Variants in SIGIRR observed in about 807,000 individuals in gnomAD.
The protein encoded by SIGIRR is single Ig and TIR domain containing.
Under a neutral mutation model 45.6 loss-of-function variants are expected in SIGIRR, and 41 were observed. The ratio of observed to expected loss-of-function variants is 0.90; its 90% CI spans 0.70 to 1.17. The LOEUF is 1.17. Ranked by LOEUF, SIGIRR falls within the 50% of genes most tolerant of loss-of-function variation. The pLI is 0.00. For synonymous variants in SIGIRR, 298 were observed against 239.0 expected (o/e 1.25, Z -2.28); for missense variants, 599 against 539.6 (o/e 1.11, Z -1.09).
At position 407,102 on chromosome 11, in the gene SIGIRR, CCGAA is replaced by C; in HGVS notation, c.684_687del (p.Ser229ThrfsTer4). The C allele has an allele frequency of 1.3e-6, 2 of 1,536,252 alleles. No individual in the cohort carries two copies. Among genetic ancestry groups the C allele is most frequent in the East Asian group, 2.6e-5 (1 of 39,022 alleles). ...CACCAGGCCCGGCTCAGGAAGGCGTCCGAAAGCACCACGATGAGGCGTCGGCAGC... is the reference window on the plus strand; with the variant it reads ...CACCAGGCCCGGCTCAGGAAGGCGTCAGCACCACGATGAGGCGTCGGCAGC... On this transcript the variant is annotated frameshift_variant, in exon 7 of 10. Coordinates refer to ENST00000431843, the MANE Select transcript of SIGIRR (RefSeq NM_001135054.2). LOFTEE classifies it high-confidence loss of function.
intron 2 of SIGIRR, 95 bp from the exon 3 acceptor site, chr11:408,988 G>C (rs1452818358): frequency 1.7e-6 from 2 of 1,153,856 alleles, no homozygotes; most frequent in South Asian, 2.5e-5. Flanking sequence ...TAAGGCCTCT[G>C]TGTGGCTTGG....
chr11:408,803 G>C lies in SIGIRR; in HGVS notation c.98C>G (p.Thr33Arg), dbSNP rs754441975. 3.1e-6 allele frequency: 5 copies of C among 1,612,770 alleles called. No homozygotes were observed. In the South Asian group the frequency reaches 4.4e-5, roughly 14 times the overall value. ...ALGSSVALNCTAWVVSGPHCS... is the reference protein window; with the variant it reads ...ALGSSVALNCRAWVVSGPHCS... ...GTGGGGCCCAGAGACTACCCAAGCC[G>C]TGCAGTTCAGAGCCACTGAGCTGCC... Residue 33 changes from threonine (T) to arginine (R), a missense_variant, in exon 3 of 10, where the codon ACG becomes AGG. Coordinates refer to ENST00000431843, the MANE Select transcript of SIGIRR (RefSeq NM_001135054.2).
chr11:407,255 A>C (rs1188521510), intron 6 of SIGIRR, 91 bp from the exon 7 acceptor site: 11 of 565,820 alleles, frequency 1.9e-5, no homozygotes, highest in Non-Finnish European at 2.9e-5. Flanking sequence ...CAGAGCTCTA[A>C]GGGAGGGGCG....
Position 407,454 on chromosome 11 carries a change from A to T in SIGIRR, c.596T>A (p.Leu199Gln). The T allele has an allele frequency of 5.8e-6, 9 of 1,560,026 alleles. No individual in the cohort carries two copies. Among genetic ancestry groups the T allele is most frequent in the Non-Finnish European group, 7.8e-6 (9 of 1,152,852 alleles). ...GCGCGGCAGGAGGTCGCGGTCGTCC[A>T]GGAAGAGCTTGTAGCCCCGACGCCG... Reference protein sequence around the residue: ...LERRRGYKLFLDDRDLLPRAE... With the variant: ...LERRRGYKLFQDDRDLLPRAE... Residue 199 changes from leucine (L) to glutamine (Q), a missense_variant, in exon 6 of 10, where the codon CTG (leucine) becomes CAG (glutamine). Physicochemically the swap from Leu to Gln is moderately radical, Grantham distance 113. Transcript: ENST00000431843.
chr11:414,031 CA>C (rs1260554574), intron 1 of SIGIRR, among the ~76,000 whole-genome samples: 14 of 102,328 alleles, frequency 1.4e-4, no homozygotes, highest in East Asian at 6.2e-4. Flanking sequence ...CTCCCCTGCA[CA>C]CCTTCCCCTG....
rs770395881 is a variant in SIGIRR at position 406,978 on chromosome 11, C to G, written c.744G>C (p.Arg248=). The change falls in exon 8 of 10, where the codon CGG becomes CGC. Residue 248 remains arginine (R), a synonymous_variant. Coordinates refer to ENST00000431843, the MANE Select transcript of SIGIRR (RefSeq NM_001135054.2). ...CSHSFREGLC[R]LLELTRRPIF... is the part of the protein sequence containing the mutation. ...TGGGTCTGCGGGTGAGCTCCAGCAGCCGGCACAGGCCCTCCCTGCGGGGCG... is the reference window on the plus strand; with the variant it reads ...TGGGTCTGCGGGTGAGCTCCAGCAGGCGGCACAGGCCCTCCCTGCGGGGCG... The G allele has an allele frequency of 1.9e-6, 3 of 1,600,254 alleles. No homozygotes were observed. The Admixed American group carries it at 5.0e-5, about 27-fold the overall frequency.
At chr11:408,561 G>A (rs113524008) in intron 3 of SIGIRR, 134 bp downstream of exon 3, 59,040 of 1,062,618 alleles carry the variant, frequency 0.056, 2,042 homozygotes, top group Non-Finnish European at 0.072. Context: ...CTGACCCTCC[G>A]TCTGGGTCCA....
At position 406,830 on chromosome 11, in the gene SIGIRR, G is replaced by A; in HGVS notation, c.879+13C>T. 1.3e-6 allele frequency: 2 copies of A among 1,530,332 alleles called. No homozygotes were observed. The highest frequency in any genetic ancestry group is 1.7e-6 in the Non-Finnish European group (2 of 1,143,540). The allele number at this position is 1,530,332 out of a possible 1,614,324, so 94.8% of individuals were successfully genotyped here. On this transcript the variant is annotated intron_variant, in intron 8 of 9. Coordinates refer to ENST00000431843, the MANE Select transcript of SIGIRR (RefSeq NM_001135054.2). ...CGCCGCTAGCCCCGGACCCTCCCGC[G>A]CCTGCTCCGCACCACGGAGCCGGGC... is the stretch of plus-strand genomic sequence containing the variant.
intron 6 of SIGIRR, 107 bp from the exon 7 acceptor site, chr11:407,271 TG>T: frequency 3.2e-6 from 2 of 630,236 alleles, no homozygotes; most frequent in African/African-American, 2.8e-5. Context: ...GGGCGGGGCC[TG>T]CGGGGTGGGC....
chr11:413,012 C>T (rs7951895), intron 1 of SIGIRR, among the ~76,000 whole-genome samples: 3,779 of 152,254 alleles, frequency 0.025, 151 homozygotes, highest in African/African-American at 0.087. Flanking sequence ...GCCCAGGGCC[C>T]CAGGGGCCTC....
At chr11:412,793 C>CGAAACACCTCGG (rs937473002) in intron 1 of SIGIRR, among the ~76,000 whole-genome samples, 1 of 152,034 alleles carries the variant, frequency 6.6e-6, no homozygotes, top group African/African-American at 2.4e-5. Context: ...ACAGACACCT[C>CGAAACACCTCGG]GAAACACCTC....
At position 406,997 on chromosome 11, in the gene SIGIRR, C is replaced by T. The variant is rs763350385; in HGVS notation, c.729-4G>A. The T allele has an allele frequency of 1.3e-6, 2 of 1,595,072 alleles. No homozygotes were observed. The highest frequency in any genetic ancestry group is 1.7e-5 in the Admixed American group (1 of 59,024). ...CAGCAGCCGGCACAGGCCCTCCCTG[C>T]GGGGCGGGACCGTCAGGGGGGTGGG... is the stretch of plus-strand genomic sequence containing the variant. On this transcript the variant is annotated splice_region_variant and splice_polypyrimidine_tract_variant and intron_variant, in intron 7 of 9. Transcript: ENST00000431843.
At chr11:409,026 C>G in intron 2 of SIGIRR, 133 bp from the exon 3 acceptor site, 1 of 793,462 alleles carries the variant, frequency 1.3e-6, no homozygotes, top group Non-Finnish European at 2.1e-6. Context: ...TCCACGAGTC[C>G]CATGGGGACA....
At chr11:411,600 G>A (rs1847628287) in intron 1 of SIGIRR, among the ~76,000 whole-genome samples, 1 of 124,596 alleles carries the variant, frequency 8.0e-6, no homozygotes. Flanking sequence ...ACAGTCGGCG[G>A]GGGGTGCCCA....
Position 407,117 on chromosome 11 carries a change from T to TC in SIGIRR, c.672_673insG (p.Ile225AspfsTer116). ...AGGAAGGCGTCCGAAAGCACCACGA[T>TC]GAGGCGTCGGCAGCGGCTCAGGTTC... On this transcript the variant is annotated frameshift_variant, in exon 7 of 10. Transcript: ENST00000431843. LOFTEE classifies it high-confidence loss of function. The TC allele has an allele frequency of 2.6e-6, 4 of 1,534,260 alleles. No individual in the cohort carries two copies. The highest frequency in any genetic ancestry group is 3.8e-5 in the Admixed American group (2 of 52,188).
At chr11:406,201 C>T (rs759051379) in intron 9 of SIGIRR, 142 bp from the exon 10 acceptor site, 2 of 1,538,330 alleles carry the variant, frequency 1.3e-6, no homozygotes, top group Non-Finnish European at 8.7e-7. Context: ...GGGCCGAGCA[C>T]CTCCAGGGCA....
upstream of SIGIRR, among the ~76,000 whole-genome samples, chr11:416,242 G>A (rs1038781894): frequency 2.0e-5 from 3 of 152,106 alleles, no homozygotes; most frequent in Non-Finnish European, 2.9e-5. The surrounding 1 kb of genome is among the most constrained non-coding windows in gnomAD (Gnocchi z 9.1). Context: ...CACAGGCCCT[G>A]GGGTCAGCCG....
At chr11:408,479 C>T (rs1564890220) in intron 3 of SIGIRR, among the ~76,000 whole-genome samples, 2 of 152,166 alleles carry the variant, frequency 1.3e-5, no homozygotes, top group South Asian at 2.1e-4. Flanking sequence ...TGCTGACACC[C>T]GTAGCCCTGG....
intron 6 of SIGIRR, 110 bp from the exon 7 acceptor site, chr11:407,274 GGGGTGGGCGGGTTTTTGAGGCGGGGCCTC>G (rs1323531647): frequency 6.4e-5 from 3 of 46,754 alleles, no homozygotes; most frequent in African/African-American, 1.1e-3. Context: ...CGGGGCCTGC[GGGGTGGGCGGGTTTTTGAGGCGGGGCCTC>G]GGGTGGGCGG....
Sources: allele counts gnomAD v4.1 joint callset (sites outside exome capture counted in the v4.1 genomes callset), GRCh38; gene constraint gnomAD v4.1.1; non-coding constraint Gnocchi (gnomAD v3.1); transcripts MANE v1.5; gene names NCBI Gene and HGNC (gene_info 2026-07-23, HGNC 2026-07-21).